The following ROR1 variants were observed in gnomAD, a reference collection of about 807,000 sequenced individuals.
ROR1 encodes the protein inactive tyrosine-protein kinase transmembrane receptor ROR1.
Under a neutral mutation model 78.8 loss-of-function variants are expected in ROR1, and 19 were observed. The ratio of observed to expected loss-of-function variants is 0.24; its 90% confidence interval spans 0.17 to 0.35. The LOEUF is 0.35. Among genes scored for constraint, ROR1 ranks in the 10% least tolerant of loss-of-function variants. The pLI, the probability that ROR1 is intolerant of heterozygous loss-of-function variation, is 1.00. For synonymous variants in ROR1, 386 were observed against 433.6 expected (o/e 0.89, Z 1.36); for missense variants, 917 against 1,177.8 (o/e 0.78, Z 3.24).
intron 4 of ROR1, among the ~76,000 whole-genome samples, chr1:64,093,446 CT>C (rs915812140): frequency 4.6e-5 from 7 of 152,058 alleles, no homozygotes; most frequent in African/African-American, 9.7e-5. Context: ...AACAGCAAAC[CT>C]TTTCTTTCCC....
intron 1 of ROR1, among the ~76,000 whole-genome samples, chr1:63,980,284 A>G (rs1646199373): frequency 6.6e-6 from 1 of 152,080 alleles, no homozygotes; most frequent in African/African-American, 2.4e-5. Context: ...TTATGAAGGT[A>G]GTGGGTGATC....
chr1:63,834,486 C>T (rs1293832060), intron 1 of ROR1, among the ~76,000 whole-genome samples: 2 of 152,154 alleles, frequency 1.3e-5, no homozygotes, highest in East Asian at 1.9e-4. Context: ...TGTTTACATG[C>T]TGAATCTTAG....
At chr1:63,824,165 C>G (rs1410814664) in intron 1 of ROR1, among the ~76,000 whole-genome samples, 2 of 152,142 alleles carry the variant, frequency 1.3e-5, no homozygotes, top group African/African-American at 2.4e-5. Flanking sequence ...CTGATCTTGT[C>G]TTTTCTGTGC....
At chr1:63,818,109 A>T (rs926532476) in intron 1 of ROR1, among the ~76,000 whole-genome samples, 1 of 152,236 alleles carries the variant, frequency 6.6e-6, no homozygotes, top group African/African-American at 2.4e-5. Flanking sequence ...AGATTAAAGT[A>T]TCTGTAGCCA....
chr1:63,853,256 G>A (rs1645125455), intron 1 of ROR1, among the ~76,000 whole-genome samples: 1 of 152,144 alleles, frequency 6.6e-6, no homozygotes, highest in South Asian at 2.1e-4. Flanking sequence ...ATATCAGCTA[G>A]TTCATTCTCA....
chr1:63,941,093 A>G (rs1305854619), intron 1 of ROR1, among the ~76,000 whole-genome samples: 2 of 152,224 alleles, frequency 1.3e-5, no homozygotes, highest in East Asian at 3.8e-4. Context: ...AGGAGACTAA[A>G]GAGACATGGT....
At chr1:64,148,365 A>G (rs1649534039) in intron 7 of ROR1, among the ~76,000 whole-genome samples, 2 of 152,190 alleles carry the variant, frequency 1.3e-5, no homozygotes, top group African/African-American at 4.8e-5. Context: ...ATAAAACTTG[A>G]GAATAACTTC....
At chr1:64,073,726 GT>G (rs762182338) in intron 4 of ROR1, among the ~76,000 whole-genome samples, 102 of 152,330 alleles carry the variant, frequency 6.7e-4, no homozygotes, top group Non-Finnish European at 1.2e-3. Flanking sequence ...GAAAAATCAT[GT>G]TGGCAAATGA....
At chr1:64,105,216 T>C (rs1647747314) in intron 4 of ROR1, 1 of 148,696 alleles carries the variant, frequency 6.7e-6, no homozygotes, top group South Asian at 2.1e-4. Flanking sequence ...TGATCAGTGA[T>C]ATTGAGCTTT....
chr1:63,848,287 A>G (rs772986686), intron 1 of ROR1, among the ~76,000 whole-genome samples: 8 of 152,248 alleles, frequency 5.3e-5, no homozygotes, highest in Non-Finnish European at 7.3e-5. Flanking sequence ...TTTTAACTCC[A>G]GAAGCATAAC....
intron 1 of ROR1, among the ~76,000 whole-genome samples, chr1:63,813,430 G>A (rs1003880096): frequency 9.9e-5 from 15 of 152,172 alleles, no homozygotes; most frequent in African/African-American, 2.9e-4. Flanking sequence ...GTACCTTCTA[G>A]CATTTCACAC....
rs1208813882 is a variant in ROR1 at position 64,014,740 on chromosome 1, C to CTATATATATATA, written c.163+5387_163+5398dup. Among the ~76,000 whole-genome samples, 255 of 28,976 alleles carry CTATATATATATA rather than the reference C, an allele frequency of 8.8e-3. 16 individuals carry two copies. Among genetic ancestry groups the CTATATATATATA allele is most frequent in the African/African-American group, 0.024 (217 of 8,912 alleles). The allele number at this position is 28,976 out of a possible 152,430, so 19.0% of individuals were successfully genotyped here. A position where few individuals can be genotyped will look rare whatever the true frequency, so the allele number is the denominator to read the frequency against. ...ATATATATATATACACATACGCACA[C>CTATATATATATA]TATATATATATATATATATATATAT... On this transcript the variant is annotated intron_variant, in intron 2 of 8. Coordinates refer to ENST00000371079, the MANE Select transcript of ROR1 (RefSeq NM_005012.4).
intron 4 of ROR1, among the ~76,000 whole-genome samples, chr1:64,057,597 C>T (rs955738856): frequency 1.3e-5 from 2 of 152,124 alleles, no homozygotes; most frequent in Non-Finnish European, 2.9e-5. Flanking sequence ...CTCTTAAGGC[C>T]TTTCATCTGA....
intron 1 of ROR1, among the ~76,000 whole-genome samples, chr1:63,879,111 G>C (rs653636): frequency 0.75 from 113,248 of 152,002 alleles, 47,920 homozygotes; most frequent in East Asian, 0.99. Flanking sequence ...GAGCAGGAAC[G>C]CAAGCTTTGA....
At chr1:63,876,009 T>C (rs1645282522) in intron 1 of ROR1, among the ~76,000 whole-genome samples, 1 of 152,164 alleles carries the variant, frequency 6.6e-6, no homozygotes. Flanking sequence ...TTTAAAATGG[T>C]TTATAGTTAT....
At chr1:63,900,552 A>G (rs1445415828) in intron 1 of ROR1, among the ~76,000 whole-genome samples, 1 of 152,018 alleles carries the variant, frequency 6.6e-6, no homozygotes, top group Admixed American at 6.6e-5. Flanking sequence ...GGTGCCTTAG[A>G]GAGCATGGAA....
At chr1:63,929,005 A>G (rs1486372484) in intron 1 of ROR1, among the ~76,000 whole-genome samples, 1 of 152,196 alleles carries the variant, frequency 6.6e-6, no homozygotes, top group Admixed American at 6.5e-5. Context: ...GGCATCCCAG[A>G]TGAAAAGGAT....
chr1:63,986,383 G>A (rs537973532), intron 1 of ROR1, among the ~76,000 whole-genome samples: 2 of 152,140 alleles, frequency 1.3e-5, no homozygotes, highest in South Asian at 4.2e-4. Flanking sequence ...TGACATAAAG[G>A]ATGAATAGAA....
intron 1 of ROR1, among the ~76,000 whole-genome samples, chr1:63,908,200 A>G (rs1244985759): frequency 1.3e-5 from 2 of 152,040 alleles, no homozygotes; most frequent in African/African-American, 4.8e-5. Flanking sequence ...TGGGTTACAT[A>G]CTCATGTCTT....
Sources: gnomAD v4.1 joint callset for allele counts (sites outside exome capture counted in the v4.1 genomes callset) on GRCh38, gnomAD v4.1.1 for gene constraint, MANE v1.5 for transcripts, NCBI Gene and HGNC (gene_info 2026-07-23, HGNC 2026-07-21) for gene names.